Variants in UBQLN4 observed in about 807,000 individuals in gnomAD.
UBQLN4 encodes ubiquilin-4.
In UBQLN4, 11 loss-of-function variants were observed where a neutral mutation model predicts 60.4. The ratio of observed to expected loss-of-function variants is 0.18; its 90% CI spans 0.11 to 0.30. The LOEUF is 0.30. UBQLN4 is among the 10% of genes least tolerant of loss of function. The pLI is 1.00. For synonymous variants in UBQLN4, 258 were observed against 313.1 expected (o/e 0.82, Z 1.86); for missense variants, 417 against 795.5 (o/e 0.52, Z 5.72).
At position 156,050,570 on chromosome 1, in the gene UBQLN4, G is replaced by A. The variant is rs370405671; in HGVS notation, c.479-17C>T. On this transcript the variant is annotated splice_polypyrimidine_tract_variant and intron_variant, in intron 3 of 10. Coordinates refer to ENST00000368309, the MANE Select transcript of UBQLN4 (RefSeq NM_020131.5). This position sits in a 1 kb window ranked among gnomAD's most constrained non-coding sequence, Gnocchi z 4.6. ...CAAAGCCAGCTGTGGGAAGGGGGCAGGGTCACAGTCTGCCACAAGAACAGT... is the reference window on the plus strand; with the variant it reads ...CAAAGCCAGCTGTGGGAAGGGGGCAAGGTCACAGTCTGCCACAAGAACAGT... 6.3e-7 allele frequency: 1 copy of A among 1,596,036 alleles called. No homozygotes were observed. The highest frequency in any genetic ancestry group is 1.3e-5 in the African/African-American group (1 of 74,524).
chr1:156,037,143 G>A lies in UBQLN4; in HGVS notation c.1654-13C>T. On this transcript the variant is annotated splice_polypyrimidine_tract_variant and intron_variant, in intron 10 of 10. Transcript: ENST00000368309. ...CTGGCGTCTGCACCTGGAGGGGACA[G>A]GCCTTGTGAAGTGGGCACAGGACCA... 3 of 1,613,078 alleles carry A rather than the reference G, an allele frequency of 1.9e-6. No individual in the cohort carries two copies. The highest frequency in any genetic ancestry group is 8.5e-7 in the Non-Finnish European group (1 of 1,179,604).
downstream of UBQLN4, chr1:156,033,374 GT>G: frequency 2.4e-5 from 20 of 849,320 alleles, no homozygotes; most frequent in Non-Finnish European, 2.7e-5. Flanking sequence ...ATGATTCCAG[GT>G]TTTTTTTGTT....
chr1:156,038,187 C>A (rs753904143), intron 10 of UBQLN4, among the ~76,000 whole-genome samples: 1 of 152,082 alleles, frequency 6.6e-6, no homozygotes, highest in Non-Finnish European at 1.5e-5. Context: ...ACCAGGCTGG[C>A]CAACATGGCG....
intron 7 of UBQLN4, 84 bp downstream of exon 7, chr1:156,042,690 C>A: frequency 3.2e-6 from 5 of 1,551,770 alleles, no homozygotes; most frequent in Non-Finnish European, 4.4e-6. Context: ...CAGTCTGGCT[C>A]CACAGTGTTT....
chr1:156,046,115 A>G (rs1320178135), intron 5 of UBQLN4, among the ~76,000 whole-genome samples: 2 of 151,866 alleles, frequency 1.3e-5, no homozygotes, highest in Non-Finnish European at 2.9e-5. Context: ...CAAAATGCTG[A>G]GATTATAGGC....
At chr1:156,041,702 A>G in intron 9 of UBQLN4, 31 bp from the exon 10 acceptor site, 1 of 1,483,686 alleles carries the variant, frequency 6.7e-7, no homozygotes, top group Non-Finnish European at 8.9e-7. Context: ...GAGGTAGGAG[A>G]TGGCATCCAA....
rs148037354 is a variant in UBQLN4, at chr1:156,051,744, G to A, written c.222C>T (p.Asp74=). ...TGATGACCAGATGGACAGTGAGCCC[G>A]TCCTTGATTCCGTGCTGGTTCAGTG... ...GDTLNQHGIK[D]GLTVHLVIKT... Residue 74 remains aspartate (D), a synonymous_variant, in exon 2 of 11, where the codon GAC becomes GAT. Coordinates refer to ENST00000368309, the MANE Select transcript of UBQLN4 (RefSeq NM_020131.5). The A allele has an allele frequency of 2.7e-5, 43 of 1,613,936 alleles. No homozygotes were observed. The highest frequency in any genetic ancestry group is 3.6e-5 in the Non-Finnish European group (42 of 1,180,018).
At chr1:156,043,846 C>T (rs1409565870) in intron 6 of UBQLN4, 152 bp downstream of exon 6, 18 of 831,536 alleles carry the variant, frequency 2.2e-5, no homozygotes, top group Non-Finnish European at 3.1e-5. Flanking sequence ...AGCCCTCACC[C>T]GGCCACTATC....
rs760803662 is a variant in UBQLN4, at chr1:156,044,014, C to T, written c.1110G>A (p.Ala370=). 5.0e-6 allele frequency: 8 copies of T among 1,613,262 alleles called. No homozygotes were observed. The highest frequency in any genetic ancestry group is 3.3e-5 in the Admixed American group (2 of 59,896). The part of the protein sequence containing the change: ...PTVSNPFGIN[A]ASLGSGMFNS... ...AGGACATACCTGACCCCAGGCTAGC[C>T]GCATTGATCCCAAAGGGGTTCGAGA... The change falls in exon 6 of 11, where the codon GCG becomes GCA. Residue 370 remains alanine (A), a synonymous_variant. Coordinates refer to ENST00000368309, the MANE Select transcript of UBQLN4 (RefSeq NM_020131.5).
chr1:156,046,706 G>A (rs1429211272), intron 5 of UBQLN4, among the ~76,000 whole-genome samples: 1 of 151,762 alleles, frequency 6.6e-6, no homozygotes, highest in Non-Finnish European at 1.5e-5. Flanking sequence ...GCCAGGCGTG[G>A]TGGTGCAAGC....
chr1:156,042,272 C>T, intron 7 of UBQLN4, 36 bp from the exon 8 acceptor site: 1 of 1,542,898 alleles, frequency 6.5e-7, no homozygotes. Flanking sequence ...AGACCTGGGC[C>T]TTTTCACCCT....
downstream of UBQLN4, chr1:156,033,162 G>T (rs1346225534): frequency 1.0e-6 from 1 of 964,834 alleles, no homozygotes; most frequent in Non-Finnish European, 1.2e-6. Context: ...GAAGTCAGTG[G>T]AGGAAAACAA....
chr1:156,050,729 A>G lies in UBQLN4; in HGVS notation c.479-176T>C, dbSNP rs1218069562. ...TGGCAAAAAAATGTGAGCCTACTAG[A>G]CTGAGGCTGTGCCAAACATAGAACT... On this transcript the variant is annotated intron_variant, in intron 3 of 10. Coordinates refer to ENST00000368309, the MANE Select transcript of UBQLN4 (RefSeq NM_020131.5). This position sits in a 1 kb window ranked among gnomAD's most constrained non-coding sequence, Gnocchi z 4.6. Among the ~76,000 whole-genome samples the G allele has an allele frequency of 6.6e-6, 1 of 152,172 alleles. No individual in the cohort carries two copies. Among genetic ancestry groups the G allele is most frequent in the Non-Finnish European group, 1.5e-5 (1 of 68,026 alleles).
chr1:156,040,624 T>C (rs1166853079), intron 10 of UBQLN4, among the ~76,000 whole-genome samples: 1 of 151,634 alleles, frequency 6.6e-6, no homozygotes, highest in Non-Finnish European at 1.5e-5. Context: ...TTTTTTTTTT[T>C]GTATTTTTTA....
chr1:156,038,084 A>T (rs1008523570), intron 10 of UBQLN4, among the ~76,000 whole-genome samples: 6 of 151,644 alleles, frequency 4.0e-5, no homozygotes, highest in East Asian at 1.9e-4. Context: ...TTAAAAAAAA[A>T]TTTTTTTTTG....
rs1683374808 is a variant in UBQLN4, at chr1:156,035,375, C to T, written c.*1603G>A. The T allele has an allele frequency of 1.6e-5, 16 of 985,158 alleles. No individual in the cohort carries two copies. Among genetic ancestry groups the T allele is most frequent in the Non-Finnish European group, 1.9e-5 (16 of 829,738 alleles). The allele number at this position is 985,158 out of a possible 1,614,324, so 61.0% of individuals were successfully genotyped here. Reference sequence around the variant, plus strand: ...GGGGAGGCAGGGAGGGAAAGCCACACAGACATCTTCTCTGGACTGCTTGGG... The same window carrying T: ...GGGGAGGCAGGGAGGGAAAGCCACATAGACATCTTCTCTGGACTGCTTGGG... On this transcript the variant is annotated 3_prime_UTR_variant, in exon 11 of 11. Transcript: ENST00000368309.
At chr1:156,037,196 G>T in intron 10 of UBQLN4, 66 bp from the exon 11 acceptor site, 1 of 1,567,930 alleles carries the variant, frequency 6.4e-7, no homozygotes, top group East Asian at 2.2e-5. Flanking sequence ...TGAATTAAGG[G>T]TTTCTAAGAC....
intron 10 of UBQLN4, 35 bp downstream of exon 10, chr1:156,041,450 G>A (rs1239844248): frequency 2.7e-6 from 4 of 1,486,416 alleles, no homozygotes; most frequent in Admixed American, 2.2e-5. Context: ...GATCAAAGTG[G>A]TGCTCCCAGC....
At chr1:156,032,734 G>A (rs72708244), downstream of UBQLN4, among the ~76,000 whole-genome samples, 15 of 152,040 alleles carry the variant, frequency 9.9e-5, no homozygotes, top group Non-Finnish European at 1.6e-4. Context: ...GCGGCACTTC[G>A]CCTCTCCGCC....
Sources: allele counts gnomAD v4.1 joint callset (sites outside exome capture counted in the v4.1 genomes callset), GRCh38; gene constraint gnomAD v4.1.1; non-coding constraint Gnocchi (gnomAD v3.1); transcripts MANE v1.5; gene names NCBI Gene and HGNC (gene_info 2026-07-23, HGNC 2026-07-21).